Variants in NSUN4 observed in about 807,000 individuals in gnomAD.
The protein encoded by NSUN4 is NOP2/Sun RNA methyltransferase 4, also known as 5-cytosine rRNA methyltransferase NSUN4.
NSUN4 carries 31 observed loss-of-function variants against 43.8 expected under a neutral mutation model. The observed-to-expected ratio is 0.71, with a 90% CI of 0.53 to 0.96. The LOEUF is 0.96. Among genes scored for constraint, NSUN4 ranks in the 40% least tolerant of loss-of-function variants. The pLI is 0.00. For synonymous variants in NSUN4, 167 were observed against 184.1 expected (o/e 0.91, Z 0.75); for missense variants, 439 against 475.6 (o/e 0.92, Z 0.72).
intron 4 of NSUN4, among the ~76,000 whole-genome samples, chr1:46,355,005 T>C (rs930248614): frequency 3.3e-5 from 5 of 152,150 alleles, no homozygotes; most frequent in African/African-American, 1.2e-4. Flanking sequence ...CAGTGGAACA[T>C]GATGGAGAGA....
the NSUN4 span, among the ~76,000 whole-genome samples, chr1:46,376,386 G>A: frequency 6.6e-6 from 1 of 151,182 alleles, no homozygotes; most frequent in Non-Finnish European, 1.5e-5. Context: ...TCTAGTCTGG[G>A]TGACAGAGAA....
At chr1:46,353,101 G>A (rs1663123981) in intron 4 of NSUN4, 73 bp downstream of exon 4, 2 of 1,415,856 alleles carry the variant, frequency 1.4e-6, no homozygotes, top group Non-Finnish European at 2.0e-6. Context: ...GGGCCTGAGG[G>A]GTTAGGATCC....
rs1662537850 is a variant in NSUN4, at chr1:46,346,792, G to A, written c.438-129G>A. On this transcript the variant is annotated intron_variant, in intron 2 of 5. Transcript: ENST00000474844. The stretch of plus-strand genomic sequence containing the variant: ...GATGAATGAATAAGTGAATAAGTAA[G>A]TGTGGGTCTGAAAAATGAGTTTTTG... 11 of 674,684 alleles carry A rather than the reference G, an allele frequency of 1.6e-5. No homozygotes were observed. The South Asian group carries it at 1.8e-4, about 11-fold the overall frequency. 41.8% of individuals were successfully genotyped at this position (674,684 alleles called of 1,614,324 possible). A position where few individuals can be genotyped will look rare whatever the true frequency, so the allele number is the denominator to read the frequency against.
the NSUN4 span, among the ~76,000 whole-genome samples, chr1:46,377,307 C>G: frequency 6.6e-6 from 1 of 152,156 alleles, no homozygotes; most frequent in African/African-American, 2.4e-5. Context: ...GCCTTGGCCT[C>G]CTGAAGTGTT....
chr1:46,369,961 C>A (rs547322669), downstream of NSUN4, among the ~76,000 whole-genome samples: 2 of 152,198 alleles, frequency 1.3e-5, no homozygotes, highest in African/African-American at 4.8e-5. Context: ...ACTGGCTCTA[C>A]AGAAATTGCT....
the NSUN4 span, among the ~76,000 whole-genome samples, chr1:46,373,986 AAAT>A: frequency 2.0e-5 from 3 of 152,058 alleles, no homozygotes; most frequent in African/African-American, 7.2e-5. Flanking sequence ...TTACCGTTAG[AAAT>A]AATTTTAAGA....
chr1:46,353,350 T>C (rs1569755088), intron 4 of NSUN4, among the ~76,000 whole-genome samples: 1 of 152,326 alleles, frequency 6.6e-6, no homozygotes, highest in African/African-American at 2.4e-5. Context: ...AGCTCATTTA[T>C]TTATTTTTGA....
intron 2 of NSUN4, among the ~76,000 whole-genome samples, chr1:46,346,443 T>C (rs567563403): frequency 4.0e-4 from 60 of 151,108 alleles, no homozygotes; most frequent in Non-Finnish European, 8.1e-4. Context: ...TCCCAGCTAC[T>C]TGGGAGGCTG....
intron 3 of NSUN4, among the ~76,000 whole-genome samples, chr1:46,347,707 C>T (rs1185908018): frequency 1.3e-5 from 2 of 152,140 alleles, no homozygotes; most frequent in Non-Finnish European, 2.9e-5. Flanking sequence ...ATGATAAGAT[C>T]TGCCTGCAGC....
chr1:46,350,252 G>C (rs765415331), intron 3 of NSUN4, among the ~76,000 whole-genome samples: 1 of 152,126 alleles, frequency 6.6e-6, no homozygotes, highest in Non-Finnish European at 1.5e-5. Flanking sequence ...GACATTGGCC[G>C]GGGGGCGGTG....
At chr1:46,343,820 G>A (rs938825994) in intron 1 of NSUN4, 11 of 398,432 alleles carry the variant, frequency 2.8e-5, no homozygotes, top group African/African-American at 8.3e-5. Context: ...AGTCGGAACC[G>A]GAGCAAGAGT....
At chr1:46,357,582 A>G (rs1187392500) in intron 4 of NSUN4, among the ~76,000 whole-genome samples, 1 of 152,224 alleles carries the variant, frequency 6.6e-6, no homozygotes, top group East Asian at 1.9e-4. Flanking sequence ...TTAGGGGCTC[A>G]GGAGTCCAGC....
the NSUN4 span, among the ~76,000 whole-genome samples, chr1:46,371,489 G>A: frequency 1.3e-5 from 2 of 152,054 alleles, no homozygotes; most frequent in Non-Finnish European, 2.9e-5. Flanking sequence ...TGTATTTTTA[G>A]TAGAGACGGG....
intron 1 of NSUN4, among the ~76,000 whole-genome samples, chr1:46,344,503 C>T (rs1328639733): frequency 6.6e-6 from 1 of 152,220 alleles, no homozygotes; most frequent in African/African-American, 2.4e-5. Context: ...AGGCTCTCCT[C>T]AAGAGTCCTC....
At chr1:46,360,935 T>C in intron 5 of NSUN4, 107 bp downstream of exon 5, 2 of 1,259,530 alleles carry the variant, frequency 1.6e-6, no homozygotes, top group Non-Finnish European at 1.1e-6. Context: ...ATCTTATGGC[T>C]GGAGATCTGC....
At position 46,360,298 on chromosome 1, in the gene NSUN4, G is replaced by A. The variant is rs1357626826; in HGVS notation, c.754-406G>A. 2.9e-5 allele frequency among the ~76,000 whole-genome samples: 4 copies of A among 136,092 alleles called. 1 individual carries two copies. The highest frequency in any genetic ancestry group is 1.1e-4 in the African/African-American group (4 of 35,744). The allele number at this position is 136,092 out of a possible 152,430, so 89.3% of individuals were successfully genotyped here. ...TATATGTAAATTAGTCTGGAGTGGT[G>A]GTTTGCATCTATGGCCCCAGCTACT... is the stretch of plus-strand genomic sequence containing the variant. On this transcript the variant is annotated intron_variant, in intron 4 of 5. Transcript: ENST00000474844.
chr1:46,382,627 A>T, the NSUN4 span, among the ~76,000 whole-genome samples: 26 of 149,006 alleles, frequency 1.7e-4, no homozygotes, highest in Middle Eastern at 3.4e-3. Context: ...TTTTTGAGAC[A>T]GTCTCACTCT....
At chr1:46,354,660 T>TC in intron 4 of NSUN4, among the ~76,000 whole-genome samples, 1 of 141,614 alleles carries the variant, frequency 7.1e-6, no homozygotes, top group East Asian at 2.0e-4. Flanking sequence ...CTCATTTTTT[T>TC]CTTTTTTTTT....
Position 46,352,860 on chromosome 1 carries a change from T to C in NSUN4, c.593-8T>C, listed in dbSNP as rs376280985. The C allele has an allele frequency of 6.2e-7, 1 of 1,613,632 alleles. No individual in the cohort carries two copies. Among genetic ancestry groups the C allele is most frequent in the African/African-American group, 1.3e-5 (1 of 74,932 alleles). On this transcript the variant is annotated splice_region_variant and splice_polypyrimidine_tract_variant and intron_variant, in intron 3 of 5. Coordinates refer to ENST00000474844, the MANE Select transcript of NSUN4 (RefSeq NM_199044.4). ...GTCATGGCCTCTGAAGTATCTTTAT[T>C]TCCATAGGCAATCTTGCTGCCAATG...
Sources: gnomAD v4.1 joint callset for allele counts (sites outside exome capture counted in the v4.1 genomes callset) on GRCh38, gnomAD v4.1.1 for gene constraint, MANE v1.5 for transcripts, NCBI Gene and HGNC (gene_info 2026-07-23, HGNC 2026-07-21) for gene names.